TIAM1: variants seen among roughly 807,000 people sequenced by gnomAD.
The protein encoded by TIAM1 is rho guanine nucleotide exchange factor TIAM1.
In TIAM1, 65 loss-of-function variants were observed where a neutral mutation model predicts 163.5. The ratio of observed to expected loss-of-function variants is 0.40; its 90% confidence interval spans 0.33 to 0.49. The LOEUF (loss-of-function observed/expected upper bound fraction) is 0.49, where lower values mean the gene tolerates loss of function less well. Among genes scored for constraint, TIAM1 ranks in the 20% least tolerant of loss-of-function variants. The probability of loss-of-function intolerance (pLI) is 0.77; values close to 1 mark genes in which losing one functional copy is unlikely to be tolerated. For synonymous variants in TIAM1, 833 were observed against 810.1 expected (o/e 1.03, Z -0.48); for missense variants, 1,789 against 2,044.7 (o/e 0.87, Z 2.41).
chr21:31,221,193 G>C (rs1332591714), intron 8 of TIAM1, among the ~76,000 whole-genome samples: 1 of 152,170 alleles, frequency 6.6e-6, no homozygotes, highest in Non-Finnish European at 1.5e-5. Context: ...CCCTGCCCGG[G>C]ATCTTCCACA....
intron 9 of TIAM1, 126 bp from the exon 10 acceptor site, chr21:31,213,598 TCAAATCC>T: frequency 1.3e-6 from 1 of 760,976 alleles, no homozygotes; most frequent in Non-Finnish European, 2.3e-6. Context: ...TACTCCTACA[TCAAATCC>T]CAAAGCAGGT....
intron 2 of TIAM1, among the ~76,000 whole-genome samples, chr21:31,290,449 C>T (rs149163298): frequency 2.2e-3 from 327 of 151,954 alleles, no homozygotes; most frequent in African/African-American, 7.5e-3. Flanking sequence ...GCCTGGCCAA[C>T]ATGGTGAAAC....
At chr21:31,370,318 T>A (rs1184437349) in intron 2 of TIAM1, among the ~76,000 whole-genome samples, 1 of 152,228 alleles carries the variant, frequency 6.6e-6, no homozygotes, top group African/African-American at 2.4e-5. Context: ...AATATTGAGA[T>A]ACACAGGCAA....
intron 15 of TIAM1, among the ~76,000 whole-genome samples, chr21:31,177,606 C>T (rs1191430090): frequency 1.3e-5 from 2 of 152,134 alleles, no homozygotes; most frequent in African/African-American, 2.4e-5. Flanking sequence ...GACTCTGTCC[C>T]CCCCACCAAT....
At chr21:31,487,581 C>T (rs1289950271) in intron 1 of TIAM1, among the ~76,000 whole-genome samples, 16 of 135,402 alleles carry the variant, frequency 1.2e-4, no homozygotes, top group South Asian at 2.4e-4. Context: ...GACGGAGTCT[C>T]GCTCTGTCGC....
chr21:31,340,812 A>G (rs948551025), intron 1 of TIAM1, among the ~76,000 whole-genome samples: 1 of 152,190 alleles, frequency 6.6e-6, no homozygotes, highest in Non-Finnish European at 1.5e-5. Context: ...AAGGAAAGAA[A>G]AAAACAACAG....
At chr21:31,164,312 C>G (rs1243070447) in intron 16 of TIAM1, among the ~76,000 whole-genome samples, 7 of 151,846 alleles carry the variant, frequency 4.6e-5, no homozygotes, top group Middle Eastern at 3.4e-3. Flanking sequence ...ATGGCGTGAA[C>G]CCGGGAGGCG....
intron 1 of TIAM1, among the ~76,000 whole-genome samples, chr21:31,529,504 G>T (rs1042856638): frequency 6.6e-6 from 1 of 152,116 alleles, no homozygotes; most frequent in African/African-American, 2.4e-5. Flanking sequence ...GAAGGAAGCA[G>T]GAAACCAAAC....
chr21:31,394,375 CA>C (rs1467942328), intron 2 of TIAM1, among the ~76,000 whole-genome samples: 1 of 152,118 alleles, frequency 6.6e-6, no homozygotes, highest in African/African-American at 2.4e-5. Flanking sequence ...AGGCAGAGCA[CA>C]AAAGATTTTT....
intron 1 of TIAM1, among the ~76,000 whole-genome samples, chr21:31,548,962 C>A (rs1941877948): frequency 6.6e-6 from 1 of 152,112 alleles, no homozygotes; most frequent in South Asian, 2.1e-4. Context: ...GGCAAGGCTG[C>A]CCCCAGTTGA....
upstream of TIAM1, among the ~76,000 whole-genome samples, chr21:31,346,137 T>G (rs191587022): frequency 9.1e-4 from 138 of 152,022 alleles, no homozygotes; most frequent in Middle Eastern, 3.4e-3. Context: ...CTACATCCTA[T>G]CATGCATATA....
chr21:31,319,779 CAAAAAAA>C (rs34265205), intron 2 of TIAM1, among the ~76,000 whole-genome samples: 12 of 101,358 alleles, frequency 1.2e-4, no homozygotes, highest in Non-Finnish European at 2.1e-4. Flanking sequence ...GACTCTATCT[CAAAAAAA>C]AAAAAAAAAA....
chr21:31,520,669 C>T (rs764078863), intron 1 of TIAM1, among the ~76,000 whole-genome samples: 15 of 152,212 alleles, frequency 9.9e-5, no homozygotes, highest in Non-Finnish European at 2.2e-4. Flanking sequence ...CCAATTCCCT[C>T]TCTGTGTTTA....
intron 27 of TIAM1, among the ~76,000 whole-genome samples, chr21:31,122,142 C>A (rs192280669): frequency 6.6e-6 from 1 of 152,224 alleles, no homozygotes; most frequent in East Asian, 1.9e-4. Context: ...TGCTTCAGAC[C>A]CCTGCGTGTC....
At chr21:31,268,395 T>A (rs925227446) in intron 3 of TIAM1, among the ~76,000 whole-genome samples, 1 of 152,234 alleles carries the variant, frequency 6.6e-6, no homozygotes, top group Non-Finnish European at 1.5e-5. Context: ...TACCTTCACA[T>A]TGATCCCAGA....
rs1229381939 is a variant in TIAM1 at position 31,442,069 on chromosome 21, A to AT, written c.-369+21913_-369+21914insA. Among the ~76,000 whole-genome samples the AT allele has an allele frequency of 4.2e-3, 381 of 90,902 alleles. 9 individuals are homozygous for AT. Among genetic ancestry groups the AT allele is most frequent in the East Asian group, 0.02 (59 of 3,004 alleles). The allele number at this position is 90,902 out of a possible 152,430, so 59.6% of individuals were successfully genotyped here. On this transcript the variant is annotated intron_variant, in intron 2 of 28. Coordinates refer to the TIAM1 transcript ENST00000286827. ...AGACCCTATCTCAGAACAAATAAAT[A>AT]AATATATATATATATATAGAACAAT...
At chr21:31,147,982 G>A (rs1156619795) in intron 19 of TIAM1, among the ~76,000 whole-genome samples, 6 of 122,638 alleles carry the variant, frequency 4.9e-5, no homozygotes, top group African/African-American at 2.0e-4. Flanking sequence ...ACAATGCAGA[G>A]GATTCTGAGT....
At chr21:31,508,269 G>A (rs1334067687) in intron 1 of TIAM1, among the ~76,000 whole-genome samples, 2 of 152,146 alleles carry the variant, frequency 1.3e-5, no homozygotes, top group Admixed American at 6.5e-5. Context: ...TGTTAGCACA[G>A]CCCTAGGAAA....
chr21:31,146,865 C>A, intron 20 of TIAM1, 30 bp downstream of exon 20: 1 of 1,576,478 alleles, frequency 6.3e-7, no homozygotes. Context: ...AAGCAACACA[C>A]CCCCACCTCC....
Sources: gnomAD v4.1 joint callset for allele counts (sites outside exome capture counted in the v4.1 genomes callset) on GRCh38, gnomAD v4.1.1 for gene constraint, MANE v1.5 for transcripts, NCBI Gene and HGNC (gene_info 2026-07-23, HGNC 2026-07-21) for gene names.